NR6A1: variants seen among roughly 807,000 people sequenced by gnomAD.
The protein encoded by NR6A1 is retinoic acid receptor-related testis-associated receptor.
A neutral mutation model predicts 59.1 loss-of-function variants in NR6A1; 7 were observed. The ratio of observed to expected loss-of-function variants is 0.12; its 90% CI spans 0.07 to 0.22. The LOEUF is 0.22. Ranked by LOEUF, NR6A1 falls within the 10% of genes least tolerant of loss-of-function variation. The pLI is 1.00. For missense variants in NR6A1, 468 were observed against 611.6 expected (o/e 0.77, Z 2.48); for synonymous variants, 243 against 236.1 (o/e 1.03, Z -0.27).
intron 2 of NR6A1, among the ~76,000 whole-genome samples, chr9:124,630,216 T>TG (rs1836385949): frequency 1.4e-5 from 2 of 146,470 alleles, no homozygotes; most frequent in South Asian, 2.3e-4. Flanking sequence ...ATCAGTTTTT[T>TG]TTTTTTTTTT....
intron 1 of NR6A1, among the ~76,000 whole-genome samples, chr9:124,766,612 T>G (rs1482067386): frequency 1.3e-5 from 2 of 152,212 alleles, no homozygotes; most frequent in African/African-American, 4.8e-5. Context: ...AAATTTACTC[T>G]AAAACACATC....
In NR6A1 at chr9:124,546,766, C is replaced by T. The variant is rs571862830; in HGVS notation, c.386-2909G>A. On this transcript the variant is annotated intron_variant, in intron 3 of 9. Transcript: ENST00000487099. ...GTGGAAATCAATACAATGTGCCACACTGCCTCTGTTAAAAACAAAAACTTG... is the reference window on the plus strand; with the variant it reads ...GTGGAAATCAATACAATGTGCCACATTGCCTCTGTTAAAAACAAAAACTTG... 3.3e-5 allele frequency among the ~76,000 whole-genome samples: 5 copies of T among 152,352 alleles called. 1 individual carries two copies. The South Asian group carries it at 8.3e-4, about 25-fold the overall frequency.
intron 2 of NR6A1, among the ~76,000 whole-genome samples, chr9:124,642,710 G>A (rs1836801394): frequency 1.3e-5 from 2 of 152,118 alleles, no homozygotes; most frequent in Non-Finnish European, 2.9e-5. Context: ...GTGGGGCAGG[G>A]TGGTGGAGGG....
chr9:124,749,036 G>A (rs1840421095), intron 1 of NR6A1, among the ~76,000 whole-genome samples: 1 of 152,200 alleles, frequency 6.6e-6, no homozygotes, highest in South Asian at 2.1e-4. Context: ...GCCAAGGCGG[G>A]CGGATCACCT....
Position 124,524,871 on chromosome 9 carries a change from T to A in NR6A1, c.1204A>T (p.Ile402Phe). ...MKAINFLNQDIRGLTSASQLE... is the reference protein window; with the variant it reads ...MKAINFLNQDFRGLTSASQLE... ...TGTGAGGCACTGGTCAGACCCCTGA[T>A]ATCTGTGGAAAAAAAAAAAACACAC... The change falls in exon 9 of 10, where the codon ATC (isoleucine) becomes TTC (phenylalanine). Residue 402 changes from isoleucine to phenylalanine, a missense_variant and splice_region_variant. By Grantham distance (21) the Ile-to-Phe change is conservative. Transcript: ENST00000487099. 6.3e-7 allele frequency: 1 copy of A among 1,596,162 alleles called. No individual in the cohort carries two copies. The highest frequency in any genetic ancestry group is 8.5e-7 in the Non-Finnish European group (1 of 1,175,558).
chr9:124,703,207 ATTTTTT>A (rs80014383), intron 2 of NR6A1, among the ~76,000 whole-genome samples: 8 of 104,558 alleles, frequency 7.7e-5, no homozygotes, highest in Middle Eastern at 6.3e-3. Flanking sequence ...ACACGGCCAC[ATTTTTT>A]TTTTTTTTTT....
At chr9:124,623,232 G>A (rs2074133661) in intron 2 of NR6A1, among the ~76,000 whole-genome samples, 1 of 152,134 alleles carries the variant, frequency 6.6e-6, no homozygotes. Flanking sequence ...TCTTTGGACA[G>A]TTCTGAGTTT....
chr9:124,726,616 T>A (rs950769181), intron 2 of NR6A1, among the ~76,000 whole-genome samples: 1 of 152,250 alleles, frequency 6.6e-6, no homozygotes, highest in African/African-American at 2.4e-5. Context: ...AGTGTTTGAG[T>A]TGAAGAGGCA....
chr9:124,664,561 C>A (rs1297561022), intron 2 of NR6A1, among the ~76,000 whole-genome samples: 1 of 152,172 alleles, frequency 6.6e-6, no homozygotes, highest in Non-Finnish European at 1.5e-5. Flanking sequence ...AAATGTTTTA[C>A]AGGACTGCTG....
chr9:124,690,753 G>A (rs1375000212), intron 2 of NR6A1, among the ~76,000 whole-genome samples: 3 of 151,894 alleles, frequency 2.0e-5, no homozygotes, highest in African/African-American at 4.8e-5. Flanking sequence ...TCCTTGCACC[G>A]AGTATATAAA....
intron 2 of NR6A1, chr9:124,598,806 C>A: frequency 2.3e-6 from 2 of 861,134 alleles, no homozygotes; most frequent in African/African-American, 1.7e-5. Flanking sequence ...GCTTTTTTGC[C>A]GGATCTTTTC....
At chr9:124,735,338 G>C (rs1839993749) in intron 1 of NR6A1, among the ~76,000 whole-genome samples, 4 of 152,168 alleles carry the variant, frequency 2.6e-5, no homozygotes, top group African/African-American at 9.7e-5. Context: ...AACAATAAAG[G>C]AATAGTTTAA....
intron 4 of NR6A1, among the ~76,000 whole-genome samples, chr9:124,543,293 T>C (rs1833502386): frequency 6.6e-6 from 1 of 152,180 alleles, no homozygotes; most frequent in South Asian, 2.1e-4. Context: ...CACCTTACTA[T>C]GATGTCTGTT....
intron 1 of NR6A1, among the ~76,000 whole-genome samples, chr9:124,769,803 C>T (rs958338232): frequency 2.0e-5 from 3 of 152,238 alleles, no homozygotes; most frequent in Non-Finnish European, 4.4e-5. Context: ...TGCGAGCACC[C>T]TTTGTAATGC....
intron 4 of NR6A1, among the ~76,000 whole-genome samples, chr9:124,540,626 C>T (rs549530824): frequency 1.3e-5 from 2 of 151,956 alleles, no homozygotes; most frequent in African/African-American, 2.4e-5. Flanking sequence ...ACGGTGAAAC[C>T]CGTCTCTACA....
chr9:124,722,635 T>C (rs1839596300), intron 2 of NR6A1, among the ~76,000 whole-genome samples: 1 of 152,246 alleles, frequency 6.6e-6, no homozygotes. Flanking sequence ...TCTTGTTTTT[T>C]TCATCTTGCC....
intron 2 of NR6A1, among the ~76,000 whole-genome samples, chr9:124,622,201 G>C (rs1384499053): frequency 6.6e-6 from 1 of 152,148 alleles, no homozygotes; most frequent in African/African-American, 2.4e-5. Context: ...GGGTGACAGA[G>C]TGAGAAGAAA....
At chr9:124,732,687 G>C (rs1335938051) in intron 2 of NR6A1, among the ~76,000 whole-genome samples, 2 of 151,874 alleles carry the variant, frequency 1.3e-5, no homozygotes, top group South Asian at 2.1e-4. Flanking sequence ...GTGCATAAAT[G>C]CAAGTACGAA....
intron 2 of NR6A1, among the ~76,000 whole-genome samples, chr9:124,666,275 C>CTTTTTTTTTTTTTTTTTTTTTTT (rs922378385): frequency 1.4e-4 from 14 of 103,048 alleles, no homozygotes; most frequent in East Asian, 3.2e-4. Flanking sequence ...CTATGTGGTT[C>CTTTTTTTTTTTTTTTTTTTTTTT]TTTTTTTTTT....
Sources: allele counts gnomAD v4.1 joint callset (sites outside exome capture counted in the v4.1 genomes callset), GRCh38; gene constraint gnomAD v4.1.1; transcripts MANE v1.5; gene names NCBI Gene and HGNC (gene_info 2026-07-23, HGNC 2026-07-21).